The following RANBP2 variants were observed in gnomAD, a reference collection of about 807,000 sequenced individuals.
RANBP2 encodes E3 SUMO-protein ligase RanBP2.
RANBP2 carries 57 observed loss-of-function variants against 303.6 expected under a neutral mutation model. That is an observed-to-expected ratio of 0.19 (90% CI 0.15 to 0.23). The LOEUF (loss-of-function observed/expected upper bound fraction) is 0.23. Among genes scored for constraint, RANBP2 ranks in the 10% least tolerant of loss-of-function variants. The pLI, the probability that RANBP2 is intolerant of heterozygous loss-of-function variation, is 1.00. For missense variants in RANBP2, 3,138 were observed against 3,780.8 expected, an observed-to-expected ratio of 0.83 and a Z score of 4.46; for synonymous variants, 1,167 against 1,301.5, an observed-to-expected ratio of 0.90 and a Z score of 2.23.
chr2:109,138,898 G>C, the RANBP2 span, among the ~76,000 whole-genome samples: 39 of 152,212 alleles, frequency 2.6e-4, no homozygotes, highest in African/African-American at 9.2e-4. Flanking sequence ...AACCAGAAGT[G>C]ATCCAGGCCT....
At chr2:109,117,889 A>G in the RANBP2 span, among the ~76,000 whole-genome samples, 1,193 of 152,278 alleles carry the variant, frequency 7.8e-3, 11 homozygotes, top group East Asian at 0.037. Flanking sequence ...TATTTCTCTG[A>G]TCCTTTCTCT....
At chr2:109,394,954 T>C in the RANBP2 span, among the ~76,000 whole-genome samples, 1 of 152,240 alleles carries the variant, frequency 6.6e-6, no homozygotes, top group Non-Finnish European at 1.5e-5. Flanking sequence ...GGCGAGGGCA[T>C]CCTGTGACCG....
the RANBP2 span, among the ~76,000 whole-genome samples, chr2:109,414,173 G>T: frequency 6.6e-6 from 1 of 152,290 alleles, no homozygotes; most frequent in African/African-American, 2.4e-5. Context: ...CCTCCTCACT[G>T]TCTCCCAGGC....
the RANBP2 span, among the ~76,000 whole-genome samples, chr2:109,355,505 T>C: frequency 6.6e-6 from 1 of 152,204 alleles, no homozygotes; most frequent in Admixed American, 6.5e-5. Flanking sequence ...CAATGGAGGG[T>C]TGAGTAATTG....
the RANBP2 span, among the ~76,000 whole-genome samples, chr2:109,184,919 A>G: frequency 6.6e-6 from 1 of 152,250 alleles, no homozygotes; most frequent in East Asian, 1.9e-4. Flanking sequence ...CAAGAATGTA[A>G]GAAAATATAT....
At chr2:109,693,274 T>C in the RANBP2 span, among the ~76,000 whole-genome samples, 1 of 152,130 alleles carries the variant, frequency 6.6e-6, no homozygotes, top group East Asian at 1.9e-4. Context: ...TGGGTTCAAG[T>C]GATTCTTATG....
At chr2:109,398,206 A>G in the RANBP2 span, among the ~76,000 whole-genome samples, 1 of 152,232 alleles carries the variant, frequency 6.6e-6, no homozygotes, top group African/African-American at 2.4e-5. Flanking sequence ...TGGAGCATGC[A>G]GGGCCAGCCC....
At chr2:108,877,144 A>G in the RANBP2 span, among the ~76,000 whole-genome samples, 2 of 152,192 alleles carry the variant, frequency 1.3e-5, no homozygotes, top group Non-Finnish European at 1.5e-5. Context: ...AGAACAGGCC[A>G]AGGTGAGAAT....
chr2:109,354,222 G>A, the RANBP2 span, among the ~76,000 whole-genome samples: 1 of 152,352 alleles, frequency 6.6e-6, no homozygotes, highest in African/African-American at 2.4e-5. Context: ...TGGCTGACCT[G>A]TGTGCCGCCA....
At chr2:109,078,244 C>T in the RANBP2 span, among the ~76,000 whole-genome samples, 1 of 11,842 alleles carries the variant, frequency 8.4e-5, no homozygotes, top group Admixed American at 1.3e-3. Context: ...ATATATATAG[C>T]GTGTATATAT....
At chr2:109,486,165 C>T in the RANBP2 span, among the ~76,000 whole-genome samples, 886 of 152,324 alleles carry the variant, frequency 5.8e-3, 3 homozygotes, top group African/African-American at 0.02. Context: ...TACTCTTTGT[C>T]GTCTGGAAAT....
At chr2:109,275,433 C>G in the RANBP2 span, among the ~76,000 whole-genome samples, 31 of 152,238 alleles carry the variant, frequency 2.0e-4, no homozygotes, top group African/African-American at 7.5e-4. Context: ...TCAGTTGGAC[C>G]GACACCGGAA....
At chr2:109,170,763 G>T in the RANBP2 span, among the ~76,000 whole-genome samples, 1 of 152,234 alleles carries the variant, frequency 6.6e-6, no homozygotes, top group Non-Finnish European at 1.5e-5. Flanking sequence ...GGCTCAAGGG[G>T]TGCGGATGAC....
At chr2:109,504,079 A>C in the RANBP2 span, 1 of 152,214 alleles carries the variant, frequency 6.6e-6, no homozygotes, top group African/African-American at 2.4e-5. Flanking sequence ...TGAGTATTTT[A>C]AACTCGTTCA....
chr2:109,382,804 A>G, the RANBP2 span, among the ~76,000 whole-genome samples: 5 of 152,110 alleles, frequency 3.3e-5, no homozygotes, highest in African/African-American at 1.2e-4. Flanking sequence ...AGCACCCCCA[A>G]TGTTCTCTGC....
At chr2:109,516,072 G>A in the RANBP2 span, among the ~76,000 whole-genome samples, 1 of 152,208 alleles carries the variant, frequency 6.6e-6, no homozygotes, top group Non-Finnish European at 1.5e-5. Flanking sequence ...GTCTCTAGCT[G>A]AGTGGAATGG....
rs1159076887 is a variant in RANBP2, at chr2:108,784,324, G to A, written c.*423G>A. 1 of 178,838 alleles carries A rather than the reference G, an allele frequency of 5.6e-6. No individual in the cohort carries two copies. Among genetic ancestry groups the A allele is most frequent in the Non-Finnish European group, 1.2e-5 (1 of 83,314 alleles). The allele number at this position is 178,838 out of a possible 1,614,324, so 11.1% of individuals were successfully genotyped here. A position where few individuals can be genotyped will look rare whatever the true frequency, so the allele number is the denominator to read the frequency against. The stretch of plus-strand genomic sequence containing the variant: ...TTAATTTTAGGTTTGAAATATATTT[G>A]GTAATCTTAACTATTGGTGTACTCA... On this transcript the variant is annotated 3_prime_UTR_variant, in exon 29 of 29. Coordinates refer to ENST00000283195, the MANE Select transcript of RANBP2 (RefSeq NM_006267.5).
chr2:109,148,300 C>T, the RANBP2 span, among the ~76,000 whole-genome samples: 1 of 152,228 alleles, frequency 6.6e-6, no homozygotes, highest in Non-Finnish European at 1.5e-5. Context: ...TGAGGGAATC[C>T]ACCGGGACGG....
chr2:109,471,302 G>T, the RANBP2 span, among the ~76,000 whole-genome samples: 4 of 152,118 alleles, frequency 2.6e-5, no homozygotes, highest in African/African-American at 7.2e-5. Flanking sequence ...TCAGCTGGGG[G>T]TGCCACAGGA....
Sources: allele counts gnomAD v4.1 joint callset (sites outside exome capture counted in the v4.1 genomes callset), GRCh38; gene constraint gnomAD v4.1.1; transcripts MANE v1.5; gene names NCBI Gene and HGNC (gene_info 2026-07-23, HGNC 2026-07-21).